Variants in TTC39C observed in about 807,000 individuals in gnomAD.
TTC39C encodes tetratricopeptide repeat domain 39C.
Under a neutral mutation model 76.3 loss-of-function variants are expected in TTC39C, and 33 were observed. That is an observed-to-expected ratio of 0.43 (90% CI 0.33 to 0.58). The LOEUF (loss-of-function observed/expected upper bound fraction) is 0.58, where lower values mean the gene tolerates loss of function less well. TTC39C is among the 20% of genes least tolerant of loss of function. TTC39C has a pLI of 0.04. For missense variants in TTC39C, 595 were observed against 701.4 expected (o/e 0.85, Z 1.71); for synonymous variants, 254 against 260.6 (o/e 0.97, Z 0.24).
upstream of TTC39C, chr18:24,012,850 A>AAC (rs143178761): frequency 0.17 from 24,459 of 145,360 alleles, 2,462 homozygotes; most frequent in East Asian, 0.29. Context: ...TGCCCATCAA[A>AAC]ACACACACAC....
intron 1 of TTC39C, among the ~76,000 whole-genome samples, chr18:24,021,951 T>C (rs1000332386): frequency 1.3e-5 from 2 of 152,216 alleles, no homozygotes; most frequent in Non-Finnish European, 2.9e-5. Flanking sequence ...GAGGCATTAC[T>C]TCATACCTTT....
intron 8 of TTC39C, among the ~76,000 whole-genome samples, chr18:24,119,972 C>CT (rs945064736): frequency 4.6e-5 from 7 of 150,986 alleles, no homozygotes; most frequent in Admixed American, 1.3e-4. Context: ...TTCCCCCCCC[C>CT]CAATATTTGG....
rs1037490366 is a variant in TTC39C, at chr18:24,014,839, T to G, written c.-33T>G. ...GGGGCCGCAGCAGCTGCTCCCGATC[T>G]CGCCTCGGCCCAGCGCAGGGCCTCG... On this transcript the variant is annotated 5_prime_UTR_variant, in exon 1 of 14. Coordinates refer to ENST00000317571, the MANE Select transcript of TTC39C (RefSeq NM_001135993.2). The G allele has an allele frequency of 1.6e-6, 2 of 1,222,226 alleles. No individual in the cohort carries two copies. The highest frequency in any genetic ancestry group is 3.5e-5 in the East Asian group (1 of 28,462). 75.7% of individuals were successfully genotyped at this position (1,222,226 alleles called of 1,614,324 possible). A position where few individuals can be genotyped will look rare whatever the true frequency, so the allele number is the denominator to read the frequency against.
In TTC39C at chr18:24,055,840, T is replaced by G. The variant is rs1270423306; in HGVS notation, c.168-8300T>G. Among the ~76,000 whole-genome samples, 4 of 152,180 alleles carry G rather than the reference T, an allele frequency of 2.6e-5. No homozygotes were observed. The East Asian group carries it at 7.7e-4, about 29-fold the overall frequency. On this transcript the variant is annotated intron_variant, in intron 1 of 13. Transcript: ENST00000317571. ...CTGTCATAAAGCTTTTTTCCAATGG[T>G]CTATTAAAACCCAGTTTTTCTCTGT...
intron 4 of TTC39C, among the ~76,000 whole-genome samples, chr18:24,073,727 C>T (rs192160161): frequency 6.6e-6 from 1 of 152,200 alleles, no homozygotes; most frequent in East Asian, 1.9e-4. Flanking sequence ...ACTATGCTGC[C>T]CAGGCAGGTC....
intron 10 of TTC39C, 163 bp downstream of exon 10, chr18:24,125,713 G>A: frequency 3.5e-6 from 3 of 852,000 alleles, no homozygotes; most frequent in South Asian, 1.8e-5. Flanking sequence ...AGAAAATCCT[G>A]TCACTTAGGT....
At chr18:24,110,564 CAG>C (rs2084796624) in intron 6 of TTC39C, among the ~76,000 whole-genome samples, 1 of 152,108 alleles carries the variant, frequency 6.6e-6, no homozygotes, top group African/African-American at 2.4e-5. Flanking sequence ...TGCCAAAATC[CAG>C]AGTTTTCCCA....
intron 1 of TTC39C, among the ~76,000 whole-genome samples, chr18:24,058,803 C>G (rs547973452): frequency 1.3e-5 from 2 of 152,292 alleles, no homozygotes; most frequent in Admixed American, 1.3e-4. Context: ...ATTGTCAGTC[C>G]TTCCTGACAA....
chr18:24,025,683 CA>C (rs1340379575), intron 1 of TTC39C, among the ~76,000 whole-genome samples: 1 of 152,172 alleles, frequency 6.6e-6, no homozygotes, highest in Non-Finnish European at 1.5e-5. Flanking sequence ...GTCATCATGT[CA>C]CCCCAGAACG....
intron 1 of TTC39C, among the ~76,000 whole-genome samples, chr18:24,002,255 A>T (rs2083319336): frequency 1.3e-5 from 2 of 152,134 alleles, no homozygotes; most frequent in Non-Finnish European, 2.9e-5. Context: ...CATCCTTGCC[A>T]ATGGGGATCT....
chr18:24,043,973 C>T (rs951667480), intron 1 of TTC39C, among the ~76,000 whole-genome samples: 1 of 152,048 alleles, frequency 6.6e-6, no homozygotes, highest in Non-Finnish European at 1.5e-5. Context: ...TCTTTACTAC[C>T]GCGGATTGGA....
At chr18:24,062,041 G>A (rs1175725932) in intron 1 of TTC39C, among the ~76,000 whole-genome samples, 1 of 152,222 alleles carries the variant, frequency 6.6e-6, no homozygotes, top group African/African-American at 2.4e-5. Context: ...TGCTGTGGGG[G>A]ATGCAGACAG....
intron 1 of TTC39C, among the ~76,000 whole-genome samples, chr18:24,047,403 T>G (rs140145621): frequency 7.3e-4 from 111 of 152,322 alleles, no homozygotes; most frequent in African/African-American, 2.4e-3. Flanking sequence ...AACATTGATA[T>G]ATATTTCTTA....
chr18:24,044,515 A>G (rs895495565), intron 1 of TTC39C, among the ~76,000 whole-genome samples: 1 of 152,190 alleles, frequency 6.6e-6, no homozygotes, highest in African/African-American at 2.4e-5. Context: ...GAGTCTGGGC[A>G]GGCTCAGTGT....
At chr18:24,030,504 T>A (rs754859212) in intron 1 of TTC39C, among the ~76,000 whole-genome samples, 2 of 152,226 alleles carry the variant, frequency 1.3e-5, no homozygotes, top group Non-Finnish European at 2.9e-5. Context: ...ACAAGTCTGT[T>A]GATCTTTGCT....
At position 24,063,260 on chromosome 18, in the gene TTC39C, C is replaced by T. The variant is rs529587802; in HGVS notation, c.168-880C>T. ...GCCTTACAACAAAATCAGATGATTA[C>T]AAGGGGGGAATGGCTGACTCTTAGC... On this transcript the variant is annotated intron_variant, in intron 1 of 13. Coordinates refer to ENST00000317571, the MANE Select transcript of TTC39C (RefSeq NM_001135993.2). Among the ~76,000 whole-genome samples, 7 of 152,142 alleles carry T rather than the reference C, an allele frequency of 4.6e-5. No homozygotes were observed. In the South Asian group the frequency reaches 1.0e-3, roughly 23 times the overall value.
chr18:24,122,732 T>G (rs182383913), intron 8 of TTC39C, among the ~76,000 whole-genome samples: 1 of 152,118 alleles, frequency 6.6e-6, no homozygotes, highest in Admixed American at 6.5e-5. Context: ...GGAGGATCAT[T>G]AAATCTTTGG....
intron 1 of TTC39C, among the ~76,000 whole-genome samples, chr18:24,051,651 AG>A (rs1271081273): frequency 3.3e-4 from 50 of 152,352 alleles, no homozygotes; most frequent in Non-Finnish European, 8.8e-5. Flanking sequence ...AGGTCCCTAA[AG>A]GTCATGGTTT....
upstream of TTC39C, among the ~76,000 whole-genome samples, chr18:24,014,209 G>A (rs757401878): frequency 3.9e-5 from 6 of 152,234 alleles, no homozygotes; most frequent in Non-Finnish European, 7.3e-5. Flanking sequence ...CTGGGGTCGC[G>A]GGCGCGGGCT....
Sources: gnomAD v4.1 joint callset for allele counts (sites outside exome capture counted in the v4.1 genomes callset) on GRCh38, gnomAD v4.1.1 for gene constraint, MANE v1.5 for transcripts, NCBI Gene and HGNC (gene_info 2026-07-23, HGNC 2026-07-21) for gene names.